Variants in FBXL7 observed in about 807,000 individuals in gnomAD.
FBXL7 encodes the protein F-box and leucine rich repeat protein 7.
Under a neutral mutation model 38.3 loss-of-function variants are expected in FBXL7, and 12 were observed. The ratio of observed to expected loss-of-function variants is 0.31; its 90% CI spans 0.20 to 0.51. The LOEUF (loss-of-function observed/expected upper bound fraction) is 0.51. Ranked by LOEUF, FBXL7 falls within the 20% of genes least tolerant of loss-of-function variation. The probability of loss-of-function intolerance (pLI) is 0.98; values close to 1 mark genes in which losing one functional copy is unlikely to be tolerated. For missense variants in FBXL7, 567 were observed against 676.4 expected (o/e 0.84, Z 1.79); for synonymous variants, 297 against 300.9 (o/e 0.99, Z 0.13).
intron 1 of FBXL7, chr5:15,501,499 A>G: frequency 8.1e-6 from 8 of 985,486 alleles, no homozygotes; most frequent in Non-Finnish European, 9.6e-6. Context: ...AGGCAAAGGC[A>G]TTTTTCTGCA....
intron 2 of FBXL7, among the ~76,000 whole-genome samples, chr5:15,920,809 C>T (rs905535123): frequency 6.6e-6 from 1 of 152,184 alleles, no homozygotes; most frequent in Admixed American, 6.5e-5. Context: ...GTGTGAGGCA[C>T]CACGCTCAGC....
At chr5:15,874,105 C>T (rs1740095217) in intron 2 of FBXL7, among the ~76,000 whole-genome samples, 1 of 152,214 alleles carries the variant, frequency 6.6e-6, no homozygotes, top group South Asian at 2.1e-4. Flanking sequence ...GGATGCAAAG[C>T]TGGTTCAACA....
chr5:15,832,383 A>T (rs900138262), intron 2 of FBXL7, among the ~76,000 whole-genome samples: 1 of 152,232 alleles, frequency 6.6e-6, no homozygotes, highest in Non-Finnish European at 1.5e-5. Context: ...GAATAAATCA[A>T]GCAAGGGAGT....
chr5:15,758,030 G>A (rs1736344036), intron 2 of FBXL7, among the ~76,000 whole-genome samples: 1 of 152,034 alleles, frequency 6.6e-6, no homozygotes, highest in Admixed American at 6.6e-5. Context: ...AGATGAGGGA[G>A]ATAACAGGTA....
At chr5:15,823,188 G>T (rs1433568272) in intron 2 of FBXL7, among the ~76,000 whole-genome samples, 2 of 152,086 alleles carry the variant, frequency 1.3e-5, no homozygotes, top group African/African-American at 4.8e-5. Context: ...TGTCTTTGTG[G>T]GTGTATGTGC....
chr5:15,779,470 T>C (rs1424004677), intron 2 of FBXL7, among the ~76,000 whole-genome samples: 1 of 151,852 alleles, frequency 6.6e-6, no homozygotes, highest in Non-Finnish European at 1.5e-5. Context: ...ACAACTAGAG[T>C]ACATAAATGA....
chr5:15,784,173 A>G (rs897317429), intron 2 of FBXL7, among the ~76,000 whole-genome samples: 2 of 152,136 alleles, frequency 1.3e-5, no homozygotes, highest in Admixed American at 1.3e-4. Flanking sequence ...CTTCATGAAC[A>G]TGAGAGGAAG....
intron 1 of FBXL7, among the ~76,000 whole-genome samples, chr5:15,535,877 G>A (rs1021988884): frequency 6.6e-6 from 1 of 152,210 alleles, no homozygotes; most frequent in African/African-American, 2.4e-5. Flanking sequence ...AAGATGATGG[G>A]GAAAATGTCT....
chr5:15,615,578 T>G (rs1317518901), intron 1 of FBXL7, among the ~76,000 whole-genome samples: 2 of 152,258 alleles, frequency 1.3e-5, no homozygotes, highest in Non-Finnish European at 2.9e-5. Flanking sequence ...CTTGCTCCTC[T>G]GATTATGCCT....
intron 2 of FBXL7, among the ~76,000 whole-genome samples, chr5:15,771,048 T>C (rs1736716646): frequency 6.6e-6 from 1 of 152,196 alleles, no homozygotes; most frequent in Admixed American, 6.5e-5. Flanking sequence ...ATCCTCCTGT[T>C]AGAGTTAGAA....
intron 2 of FBXL7, among the ~76,000 whole-genome samples, chr5:15,633,688 C>T (rs1372299438): frequency 6.6e-6 from 1 of 151,124 alleles, no homozygotes; most frequent in African/African-American, 2.4e-5. Flanking sequence ...ACTGATCAGG[C>T]AGATAGACTA....
intron 2 of FBXL7, among the ~76,000 whole-genome samples, chr5:15,803,674 A>G (rs568142676): frequency 6.6e-6 from 1 of 152,116 alleles, no homozygotes; most frequent in Non-Finnish European, 1.5e-5. Flanking sequence ...TAGATGACCT[A>G]CCTAGCCTTT....
At chr5:15,759,352 T>A (rs1273186917) in intron 2 of FBXL7, among the ~76,000 whole-genome samples, 1 of 152,196 alleles carries the variant, frequency 6.6e-6, no homozygotes, top group African/African-American at 2.4e-5. Context: ...CACTTTTTTT[T>A]AATCACAACT....
intron 2 of FBXL7, among the ~76,000 whole-genome samples, chr5:15,749,327 T>G (rs1736095151): frequency 6.6e-6 from 1 of 151,442 alleles, no homozygotes; most frequent in Non-Finnish European, 1.5e-5. Flanking sequence ...GACAAACTTG[T>G]TATAAGTGTG....
chr5:15,780,216 T>C (rs1448653330), intron 2 of FBXL7, among the ~76,000 whole-genome samples: 1 of 152,106 alleles, frequency 6.6e-6, no homozygotes, highest in Non-Finnish European at 1.5e-5. Flanking sequence ...ATATAATCAT[T>C]CATTTGAAGT....
At chr5:15,836,355 G>T (rs910914542) in intron 2 of FBXL7, among the ~76,000 whole-genome samples, 10 of 152,104 alleles carry the variant, frequency 6.6e-5, no homozygotes, top group African/African-American at 2.4e-4. Context: ...AAATTATATA[G>T]TATTTTGAAA....
At chr5:15,598,550 G>A (rs1212064978) in intron 1 of FBXL7, among the ~76,000 whole-genome samples, 2 of 152,120 alleles carry the variant, frequency 1.3e-5, no homozygotes, top group Non-Finnish European at 2.9e-5. Context: ...GTGGTAGGGT[G>A]GGTGTTGGGA....
intron 1 of FBXL7, among the ~76,000 whole-genome samples, chr5:15,507,382 A>G (rs1736676805): frequency 6.6e-6 from 1 of 152,228 alleles, no homozygotes; most frequent in South Asian, 2.1e-4. Context: ...AAAACAAAAC[A>G]GAAAATAGAG....
chr5:15,928,497 G>T lies in FBXL7; in HGVS notation c.735G>T (p.Val245=). 6.2e-7 allele frequency: 1 copy of T among 1,609,236 alleles called. No homozygotes were observed. Among genetic ancestry groups the T allele is most frequent in the Non-Finnish European group, 8.5e-7 (1 of 1,176,666 alleles). The change falls in exon 3 of 4, where the codon GTG becomes GTT. Residue 245 remains valine (V), a synonymous_variant. Transcript: ENST00000504595. The surrounding 1 kb of genome is among the most constrained non-coding windows in gnomAD (Gnocchi z 4.0). ...SLCPNLEHLD[V]SGCSKVTCIS... The stretch of plus-strand genomic sequence containing the variant: ...GCCCTAATCTGGAGCACCTGGATGT[G>T]TCAGGTAAATGGACACTGACCTACC...
Sources: gnomAD v4.1 joint callset for allele counts (sites outside exome capture counted in the v4.1 genomes callset) on GRCh38, gnomAD v4.1.1 for gene constraint, Gnocchi (gnomAD v3.1) non-coding constraint, MANE v1.5 for transcripts, NCBI Gene and HGNC (gene_info 2026-07-23, HGNC 2026-07-21) for gene names.